The following DGKI variants were observed in gnomAD, a reference collection of about 807,000 sequenced individuals.
DGKI encodes DAG kinase iota.
In DGKI, 55 loss-of-function variants were observed where a neutral mutation model predicts 147.5. The observed-to-expected ratio is 0.37, with a 90% CI of 0.30 to 0.47. DGKI has a LOEUF of 0.47. DGKI is among the 20% of genes least tolerant of loss of function. The probability of loss-of-function intolerance (pLI) is 1.00; values close to 1 mark genes in which losing one functional copy is unlikely to be tolerated. For missense variants in DGKI, 1,007 were observed against 1,323.8 expected (o/e 0.76, Z 3.71); for synonymous variants, 469 against 477.1 (o/e 0.98, Z 0.22).
intron 1 of DGKI, among the ~76,000 whole-genome samples, chr7:137,711,510 T>C (rs1794212868): frequency 6.6e-6 from 1 of 152,070 alleles, no homozygotes; most frequent in Non-Finnish European, 1.5e-5. Flanking sequence ...TTGCACACAG[T>C]AGTATTTCAT....
chr7:137,821,042 T>C (rs1258711691), intron 1 of DGKI, among the ~76,000 whole-genome samples: 1 of 152,110 alleles, frequency 6.6e-6, no homozygotes, highest in Non-Finnish European at 1.5e-5. Flanking sequence ...CCAGTGACAG[T>C]CCCTCAGAAA....
intron 6 of DGKI, among the ~76,000 whole-genome samples, chr7:137,628,657 G>A (rs543511751): frequency 6.6e-6 from 1 of 152,292 alleles, no homozygotes; most frequent in Admixed American, 6.5e-5. Context: ...AGGAAAATAG[G>A]GATGGGAGGC....
intron 28 of DGKI, among the ~76,000 whole-genome samples, chr7:137,416,745 T>C (rs1318843362): frequency 6.6e-6 from 1 of 152,192 alleles, no homozygotes; most frequent in Non-Finnish European, 1.5e-5. Flanking sequence ...ATCTTTCAGC[T>C]TGTACCCCAT....
chr7:137,666,386 T>C (rs541419421), intron 3 of DGKI, among the ~76,000 whole-genome samples: 2 of 152,226 alleles, frequency 1.3e-5, no homozygotes, highest in Non-Finnish European at 2.9e-5. Context: ...CTGGGTGACA[T>C]GGCAGAATTC....
chr7:137,403,023 G>C lies in DGKI; in HGVS notation c.2920+4852C>G, dbSNP rs145773701. Among the ~76,000 whole-genome samples the C allele has an allele frequency of 2.8e-3, 432 of 152,254 alleles. 2 individuals carry two copies. The highest frequency in any genetic ancestry group is 9.9e-3 in the African/African-American group (410 of 41,536). On this transcript the variant is annotated intron_variant, in intron 30 of 32. Transcript: ENST00000614521. ...TAAAAACAAAAGAGCAGAGTGTGCA[G>C]GGTGGCGAAGGAAAGAAACAACACA...
chr7:137,786,135 G>C (rs1458809948), intron 1 of DGKI, among the ~76,000 whole-genome samples: 1 of 152,122 alleles, frequency 6.6e-6, no homozygotes, highest in Non-Finnish European at 1.5e-5. Context: ...AATCAGGCAA[G>C]AGAAAGAAAT....
intron 6 of DGKI, 146 bp from the exon 7 acceptor site, chr7:137,623,700 C>A: frequency 1.5e-6 from 1 of 651,702 alleles, no homozygotes; most frequent in South Asian, 1.8e-5. Context: ...GCAAAGGCCA[C>A]ATTGAGCACC....
chr7:137,648,682 C>A (rs988009489), intron 5 of DGKI, among the ~76,000 whole-genome samples: 2 of 152,082 alleles, frequency 1.3e-5, no homozygotes, highest in Non-Finnish European at 2.9e-5. Context: ...TTAAAACTTA[C>A]GAATTGTTTA....
At chr7:137,825,789 T>C (rs1798042674) in intron 1 of DGKI, among the ~76,000 whole-genome samples, 1 of 152,188 alleles carries the variant, frequency 6.6e-6, no homozygotes, top group Non-Finnish European at 1.5e-5. Context: ...GTAACAGACT[T>C]GTTTTCTGAA....
At chr7:137,513,737 C>T in intron 21 of DGKI, 1 of 473,766 alleles carries the variant, frequency 2.1e-6, no homozygotes, top group South Asian at 1.8e-5. Flanking sequence ...ATACTGCAGG[C>T]AATTGTAACA....
intron 20 of DGKI, among the ~76,000 whole-genome samples, chr7:137,546,565 C>T (rs1217141405): frequency 6.6e-6 from 1 of 152,200 alleles, no homozygotes; most frequent in African/African-American, 2.4e-5. Context: ...CACTGTATTG[C>T]TATCATTCCA....
rs747876889 is a variant in DGKI at position 137,391,302 on chromosome 7, C to G, written c.3092G>C (p.Gly1031Ala). Residue 1031 changes from glycine to alanine, a missense_variant, in exon 33 of 33, where the codon GGG becomes GCG. By Grantham distance (60) the Gly-to-Ala change is moderately conservative. This residue lies in a region of DGKI where 385 missense variants were observed against 445.2 expected (regional missense o/e 0.86). Transcript: ENST00000614521. ...TAGGTAAGCAGCCAAGTCTGGGTCC[C>G]CAGCCTGCTGTGCTCTTTCTTGAGG... Reference protein sequence around the residue: ...KTPQERAQQAGDPDLAAYLES... With the variant: ...KTPQERAQQAADPDLAAYLES... 7 of 1,612,736 alleles carry G rather than the reference C, an allele frequency of 4.3e-6. No individual in the cohort carries two copies. In the East Asian group the frequency reaches 1.6e-4, roughly 36 times the overall value.
intron 1 of DGKI, among the ~76,000 whole-genome samples, chr7:137,746,824 G>T (rs902149847): frequency 3.9e-5 from 6 of 152,022 alleles, no homozygotes; most frequent in African/African-American, 7.2e-5. Context: ...CATCAACTCA[G>T]CCTTATCGTG....
intron 19 of DGKI, among the ~76,000 whole-genome samples, chr7:137,561,437 C>T (rs1471323524): frequency 6.6e-6 from 1 of 151,838 alleles, no homozygotes; most frequent in Admixed American, 6.6e-5. Flanking sequence ...AAGGGAGGGA[C>T]AGGAAAAAAC....
chr7:137,620,012 T>TAC (rs1402816608), intron 7 of DGKI, 72 bp from the exon 8 acceptor site: 38 of 714,752 alleles, frequency 5.3e-5, no homozygotes, highest in African/African-American at 1.1e-4. Context: ...GATAAATATG[T>TAC]ACACACGCAC....
chr7:137,687,311 G>T (rs1823452497), intron 2 of DGKI, among the ~76,000 whole-genome samples: 1 of 152,148 alleles, frequency 6.6e-6, no homozygotes, highest in Non-Finnish European at 1.5e-5. Flanking sequence ...AATCAAAGAG[G>T]CTCCAACCCT....
At chr7:137,545,916 G>A (rs1003857248) in intron 20 of DGKI, 3 of 702,610 alleles carry the variant, frequency 4.3e-6, no homozygotes, top group South Asian at 1.5e-5. Context: ...AAGGAGCCGG[G>A]GGGAGCAGAC....
chr7:137,464,775 G>A (rs1563034562), intron 26 of DGKI, among the ~76,000 whole-genome samples: 1 of 152,228 alleles, frequency 6.6e-6, no homozygotes, highest in African/African-American at 2.4e-5. Flanking sequence ...GAATGAAGAT[G>A]ACATTGCAGT....
chr7:137,493,072 C>T (rs1448598718), intron 21 of DGKI, among the ~76,000 whole-genome samples: 1 of 152,138 alleles, frequency 6.6e-6, no homozygotes, highest in African/African-American at 2.4e-5. Flanking sequence ...CCTACCCTTC[C>T]CTGCTGGGAC....
Sources: allele counts gnomAD v4.1 joint callset (sites outside exome capture counted in the v4.1 genomes callset), GRCh38; gene constraint gnomAD v4.1.1; regional missense constraint gnomAD v4.1.1; transcripts MANE v1.5; gene names NCBI Gene and HGNC (gene_info 2026-07-23, HGNC 2026-07-21).